Variants in CIITA observed in about 807,000 individuals in gnomAD.
CIITA encodes the protein class II major histocompatibility complex transactivator, also known as MHC class II transactivator.
A neutral mutation model predicts 115.1 loss-of-function variants in CIITA; 72 were observed. The ratio of observed to expected loss-of-function variants is 0.63; its 90% confidence interval spans 0.52 to 0.76. CIITA has a LOEUF of 0.76. Among genes scored for constraint, CIITA ranks in the 30% least tolerant of loss-of-function variants. The pLI is 0.00. For missense variants in CIITA, 1,617 were observed against 1,463.8 expected (o/e 1.10, Z -1.71); for synonymous variants, 763 against 635.6 (o/e 1.20, Z -3.02).
chr16:10,880,872 C>T (rs2036352958), intron 1 of CIITA, among the ~76,000 whole-genome samples: 1 of 152,206 alleles, frequency 6.6e-6, no homozygotes, highest in African/African-American at 2.4e-5. Context: ...AACATGAGAG[C>T]TTGCTTGATG....
At chr16:10,922,303 G>A in intron 17 of CIITA, 53 bp downstream of exon 17, 1 of 1,598,788 alleles carries the variant, frequency 6.3e-7, no homozygotes, top group Non-Finnish European at 8.6e-7. Context: ...GGGAGACACT[G>A]AAGTCTCTCC....
rs764680545 is a variant in CIITA, at chr16:10,902,153, G to A, written c.597G>A (p.Gln199=). ...ALFNQEPASG[Q]MRLEKTDQIP... The stretch of plus-strand genomic sequence containing the variant: ...TCAACCAGGAGCCAGCCTCCGGCCA[G>A]ATGCGCCTGGAGAAAACCGACCAGA... The change falls in exon 7 of 20, where the codon CAG becomes CAA. Residue 199 remains glutamine (Q), a synonymous_variant. Transcript: ENST00000324288. The A allele has an allele frequency of 1.2e-6, 2 of 1,614,184 alleles. No homozygotes were observed. Among genetic ancestry groups the A allele is most frequent in the Non-Finnish European group, 8.5e-7 (1 of 1,180,026 alleles).
upstream of CIITA, among the ~76,000 whole-genome samples, chr16:10,872,579 A>T (rs1026723529): frequency 6.6e-6 from 1 of 152,216 alleles, no homozygotes; most frequent in African/African-American, 2.4e-5. Flanking sequence ...TTTACATGTC[A>T]AAGTATTTCC....
At chr16:10,919,961 G>T (rs1046292942) in intron 16 of CIITA, among the ~76,000 whole-genome samples, 3 of 152,174 alleles carry the variant, frequency 2.0e-5, no homozygotes, top group Non-Finnish European at 4.4e-5. Flanking sequence ...TGATTCTTCC[G>T]TGGGAAGCTC....
intron 8 of CIITA, 30 bp downstream of exon 8, chr16:10,902,831 C>T (rs1227106519): frequency 1.2e-6 from 2 of 1,613,358 alleles, no homozygotes; most frequent in Non-Finnish European, 1.7e-6. Flanking sequence ...CCCCGACCAC[C>T]TCTCCCTCCT....
At chr16:10,882,994 C>T (rs968205197) in intron 1 of CIITA, among the ~76,000 whole-genome samples, 6 of 152,164 alleles carry the variant, frequency 3.9e-5, no homozygotes, top group Non-Finnish European at 5.9e-5. Context: ...GTTTTTAACA[C>T]CCTTCCCAGG....
At position 10,942,968 on chromosome 16, in the gene CIITA, T is replaced by G. The variant is rs2041145140; in HGVS notation, n.2094T>G. 1 of 152,196 alleles carries G rather than the reference T, an allele frequency of 6.6e-6. No individual in the cohort carries two copies. Among genetic ancestry groups the G allele is most frequent in the African/African-American group, 2.4e-5 (1 of 41,446 alleles). 9.4% of individuals were successfully genotyped at this position (152,196 alleles called of 1,614,324 possible). A position where few individuals can be genotyped will look rare whatever the true frequency, so the allele number is the denominator to read the frequency against. On this transcript the variant is annotated non_coding_transcript_exon_variant, in exon 2 of 2. Transcript: ENST00000573379. This position sits in a 1 kb window ranked among gnomAD's most constrained non-coding sequence, Gnocchi z 5.0. The stretch of plus-strand genomic sequence containing the variant: ...CCACTACGGAACCTGCATCCTAGAG[T>G]TAAGGAACACCTGAATAAAGAGATT...
intron 1 of CIITA, among the ~76,000 whole-genome samples, chr16:10,891,282 G>T (rs907617056): frequency 1.3e-5 from 2 of 151,780 alleles, no homozygotes; most frequent in East Asian, 1.9e-4. Context: ...CAGGGGGAGT[G>T]GGGGAGAAGG....
At chr16:10,908,501 C>T in intron 11 of CIITA, 1 of 439,044 alleles carries the variant, frequency 2.3e-6, no homozygotes, top group South Asian at 2.1e-5. Flanking sequence ...AAAGCCATGG[C>T]CTCCCCTTGG....
chr16:10,921,700 A>T (rs1270272092), intron 16 of CIITA, among the ~76,000 whole-genome samples: 1 of 152,244 alleles, frequency 6.6e-6, no homozygotes, highest in Admixed American at 6.5e-5. Flanking sequence ...CAGTAAGGCA[A>T]GAAATGACTT....
chr16:10,873,583 C>T (rs2035628699), upstream of CIITA, among the ~76,000 whole-genome samples: 1 of 152,168 alleles, frequency 6.6e-6, no homozygotes, highest in Admixed American at 6.5e-5. Context: ...AGCATTCTTC[C>T]TTGGCTTGCA....
chr16:10,921,200 G>T (rs937960147), intron 16 of CIITA, among the ~76,000 whole-genome samples: 11 of 152,232 alleles, frequency 7.2e-5, no homozygotes, highest in African/African-American at 2.7e-4. Flanking sequence ...GAGTTCTGAG[G>T]CTGAATCATG....
rs1212817125 is a variant in CIITA, at chr16:10,915,660, GA to G, written c.2969+11del. On this transcript the variant is annotated intron_variant, in intron 14 of 19. Transcript: ENST00000324288. ...CCCTGCAGCATCTGGAGTGAGTATA[GA>G]CTCTGGGACCCCTTCCTCTCAACAT... 1.2e-6 allele frequency: 2 copies of G among 1,609,426 alleles called. No individual in the cohort carries two copies. Among genetic ancestry groups the G allele is most frequent in the Non-Finnish European group, 1.7e-6 (2 of 1,175,992 alleles).
chr16:10,883,342 C>T (rs768946177), intron 1 of CIITA, among the ~76,000 whole-genome samples: 22 of 152,120 alleles, frequency 1.4e-4, no homozygotes, highest in Non-Finnish European at 2.6e-4. Flanking sequence ...ACCAGGCAAG[C>T]GGGGAAGGGA....
chr16:10,881,315 G>A (rs561984908), intron 1 of CIITA, among the ~76,000 whole-genome samples: 4 of 152,128 alleles, frequency 2.6e-5, no homozygotes, highest in African/African-American at 9.6e-5. Flanking sequence ...AAAAGAGAGA[G>A]AAAAAAGTCA....
At chr16:10,876,875 A>C (rs561593813), upstream of CIITA, among the ~76,000 whole-genome samples, 1 of 152,304 alleles carries the variant, frequency 6.6e-6, no homozygotes, top group African/African-American at 2.4e-5. Flanking sequence ...TACTGGCCCC[A>C]TCCTGCAGAA....
rs755343798 is a variant in CIITA at position 10,902,162 on chromosome 16, G to C, written c.606G>C (p.Leu202=). 1 of 1,614,158 alleles carries C rather than the reference G, an allele frequency of 6.2e-7. No homozygotes were observed. Among genetic ancestry groups the C allele is most frequent in the South Asian group, 1.1e-5 (1 of 91,088 alleles). ...NQEPASGQMR[L]EKTDQIPMPF... ...AGCCAGCCTCCGGCCAGATGCGCCT[G>C]GAGAAAACCGACCAGATTCCCAGTA... The change falls in exon 7 of 20, where the codon CTG becomes CTC. Residue 202 remains leucine, a synonymous_variant. Transcript: ENST00000324288.
At position 10,941,832 on chromosome 16, in the gene CIITA, G is replaced by T. The variant is rs1344043730; in HGVS notation, n.958G>T. ...GCGCCTGGTCCATGTCCTCGGGCAG[G>T]AAGACGAGGCCCACGTTGAGGACGA... On this transcript the variant is annotated non_coding_transcript_exon_variant, in exon 2 of 2. Coordinates refer to the CIITA transcript ENST00000573379. This position sits in a 1 kb window ranked among gnomAD's most constrained non-coding sequence, Gnocchi z 6.4. The T allele has an allele frequency of 6.2e-7, 1 of 1,613,402 alleles. No homozygotes were observed. The highest frequency in any genetic ancestry group is 1.1e-5 in the South Asian group (1 of 91,044).
chr16:10,876,568 C>T (rs76456090), upstream of CIITA, among the ~76,000 whole-genome samples: 324 of 152,310 alleles, frequency 2.1e-3, no homozygotes, highest in African/African-American at 7.5e-3. Flanking sequence ...TGGGCAGAGA[C>T]TGGAAAAGAC....
Sources: gnomAD v4.1 joint callset for allele counts (sites outside exome capture counted in the v4.1 genomes callset) on GRCh38, gnomAD v4.1.1 for gene constraint, Gnocchi (gnomAD v3.1) non-coding constraint, MANE v1.5 for transcripts, NCBI Gene and HGNC (gene_info 2026-07-23, HGNC 2026-07-21) for gene names.